Variants in MS4A6A observed in about 807,000 individuals in gnomAD.
MS4A6A encodes membrane-spanning 4-domains subfamily A member 6A.
A neutral mutation model predicts 20.6 loss-of-function variants in MS4A6A; 19 were observed. The ratio of observed to expected loss-of-function variants is 0.92; its 90% CI spans 0.64 to 1.36. The LOEUF (loss-of-function observed/expected upper bound fraction) is 1.36, where lower values mean the gene tolerates loss of function less well. Ranked by LOEUF, MS4A6A falls within the 40% of genes most tolerant of loss-of-function variation. The pLI is 0.00. For missense variants in MS4A6A, 272 were observed against 261.1 expected (o/e 1.04, Z -0.29); for synonymous variants, 108 against 105.0 (o/e 1.03, Z -0.17).
chr11:60,181,938 A>T (rs1308302560), intron 1 of MS4A6A, among the ~76,000 whole-genome samples, 197 bp from the exon 2 acceptor site: 1 of 152,350 alleles, frequency 6.6e-6, no homozygotes, highest in South Asian at 2.1e-4. Flanking sequence ...GACACAGTCC[A>T]TTATAGATAA....
At chr11:60,177,851 A>AT (rs369778965) in intron 4 of MS4A6A, 319 of 214,494 alleles carry the variant, frequency 1.5e-3, no homozygotes, top group South Asian at 3.6e-3. Flanking sequence ...ACTTTGACTC[A>AT]TTTTTTTTTC....
Position 60,183,078 on chromosome 11 carries a change from A to G in MS4A6A, c.-115T>C. The G allele has an allele frequency of 5.3e-6, 8 of 1,504,982 alleles. No homozygotes were observed. Among genetic ancestry groups the G allele is most frequent in the Non-Finnish European group, 7.1e-6 (8 of 1,134,364 alleles). The allele number at this position is 1,504,982 out of a possible 1,614,324, so 93.2% of individuals were successfully genotyped here. ...GGTTTCTACTTACCTTCATCTTCTG[A>G]AAGTCATCAGCCCTTCCTTATTCCA... On this transcript the variant is annotated 5_prime_UTR_variant, in exon 1 of 6. Transcript: ENST00000528851.
chr11:60,181,850 A>G (rs2134813779), intron 1 of MS4A6A, 109 bp from the exon 2 acceptor site: 3 of 1,081,244 alleles, frequency 2.8e-6, no homozygotes, highest in Non-Finnish European at 1.4e-6. Flanking sequence ...TGGCCTGTCC[A>G]TTAGAGAAAG....
intron 4 of MS4A6A, among the ~76,000 whole-genome samples, chr11:60,176,760 G>T (rs966836692): frequency 1.3e-5 from 2 of 152,142 alleles, no homozygotes; most frequent in Admixed American, 6.5e-5. Context: ...TTTGTCTTGA[G>T]ATGGCACTCT....
At position 60,172,774 on chromosome 11, in the gene MS4A6A, C is replaced by A. The variant is rs997612777; in HGVS notation, c.*227G>T. Reference sequence around the variant, plus strand: ...ACTTCCCAGAGTCTCATTCCCTTCGCTGACAAAATAGGAAGATTGAATCAG... The same window carrying A: ...ACTTCCCAGAGTCTCATTCCCTTCGATGACAAAATAGGAAGATTGAATCAG... On this transcript the variant is annotated 3_prime_UTR_variant, in exon 6 of 6. Coordinates refer to ENST00000528851, the MANE Select transcript of MS4A6A (RefSeq NM_022349.4). 3 of 1,306,706 alleles carry A rather than the reference C, an allele frequency of 2.3e-6. No individual in the cohort carries two copies. The highest frequency in any genetic ancestry group is 2.9e-6 in the Non-Finnish European group (3 of 1,018,178). 80.9% of individuals were successfully genotyped at this position (1,306,706 alleles called of 1,614,324 possible). A position where few individuals can be genotyped will look rare whatever the true frequency, so the allele number is the denominator to read the frequency against.
At chr11:60,182,705 C>T (rs1837108743) in intron 1 of MS4A6A, 1 of 153,236 alleles carries the variant, frequency 6.5e-6, no homozygotes, top group African/African-American at 2.4e-5. Flanking sequence ...GCACAGACCG[C>T]CCAGTTTACA....
At chr11:60,177,929 T>C in intron 4 of MS4A6A, 1 of 308,620 alleles carries the variant, frequency 3.2e-6, no homozygotes, top group Non-Finnish European at 6.1e-6. Flanking sequence ...CACTGTCAGC[T>C]TCCTTGCCAC....
At position 60,172,742 on chromosome 11, in the gene MS4A6A, T is replaced by A; in HGVS notation, c.*259A>T. The A allele has an allele frequency of 1.6e-6, 2 of 1,256,226 alleles. No individual in the cohort carries two copies. Among genetic ancestry groups the A allele is most frequent in the South Asian group, 1.6e-5 (1 of 60,984 alleles). 77.8% of individuals were successfully genotyped at this position (1,256,226 alleles called of 1,614,324 possible). On this transcript the variant is annotated 3_prime_UTR_variant, in exon 6 of 6. Transcript: ENST00000528851. Reference sequence around the variant, plus strand: ...AACTCATAGCATAATGCCAGGCCAGTCATTTAACTTCCCAGAGTCTCATTC... The same window carrying A: ...AACTCATAGCATAATGCCAGGCCAGACATTTAACTTCCCAGAGTCTCATTC...
In MS4A6A at chr11:60,175,472, CT is replaced by C. The variant is rs1342857717; in HGVS notation, c.478del (p.Ser160ValfsTer29). The C allele has an allele frequency of 5.6e-6, 9 of 1,614,138 alleles. No individual in the cohort carries two copies. The highest frequency in any genetic ancestry group is 7.6e-6 in the Non-Finnish European group (9 of 1,179,998). ...ATCATGATAAAAGTAAGAAACATAA[CT>C]TCTTGTTGGTATATTATTTTTGTCC... is the stretch of plus-strand genomic sequence containing the variant. ...ELDKNNIPTR[S>X]YVSYFYHDSL... On this transcript the variant is annotated frameshift_variant, in exon 5 of 6. Coordinates refer to ENST00000528851, the MANE Select transcript of MS4A6A (RefSeq NM_022349.4). LOFTEE classifies it high-confidence loss of function.
chr11:60,178,045 C>A, intron 4 of MS4A6A: 1 of 545,388 alleles, frequency 1.8e-6, no homozygotes, highest in South Asian at 2.5e-5. Flanking sequence ...TATTATAATC[C>A]CCTGAATGCA....
rs986556460 is a variant in MS4A6A, at chr11:60,172,773, G to A, written c.*228C>T. The A allele has an allele frequency of 2.9e-5, 38 of 1,299,290 alleles. No individual in the cohort carries two copies. The Admixed American group carries it at 4.5e-4, about 15-fold the overall frequency. 80.5% of individuals were successfully genotyped at this position (1,299,290 alleles called of 1,614,324 possible). ...AACTTCCCAGAGTCTCATTCCCTTCGCTGACAAAATAGGAAGATTGAATCA... is the reference window on the plus strand; with the variant it reads ...AACTTCCCAGAGTCTCATTCCCTTCACTGACAAAATAGGAAGATTGAATCA... On this transcript the variant is annotated 3_prime_UTR_variant, in exon 6 of 6. Coordinates refer to ENST00000528851, the MANE Select transcript of MS4A6A (RefSeq NM_022349.4).
Position 60,172,638 on chromosome 11 carries a change from G to A in MS4A6A, c.*363C>T, listed in dbSNP as rs1417262775. On this transcript the variant is annotated 3_prime_UTR_variant, in exon 6 of 6. Coordinates refer to ENST00000528851, the MANE Select transcript of MS4A6A (RefSeq NM_022349.4). ...CCTTTACCAAGTCAATACTATTAAA[G>A]AGACTAGTGGTTGTGGCAGAAATTG... 1 of 1,151,608 alleles carries A rather than the reference G, an allele frequency of 8.7e-7. No individual in the cohort carries two copies. Among genetic ancestry groups the A allele is most frequent in the South Asian group, 2.3e-5 (1 of 42,792 alleles). The allele number at this position is 1,151,608 out of a possible 1,614,324, so 71.3% of individuals were successfully genotyped here. A position where few individuals can be genotyped will look rare whatever the true frequency, so the allele number is the denominator to read the frequency against.
chr11:60,177,175 T>C (rs1445533353), intron 4 of MS4A6A: 1 of 152,236 alleles, frequency 6.6e-6, no homozygotes, highest in South Asian at 2.1e-4. Flanking sequence ...TTACATTTCA[T>C]TTCCATCCTC....
intron 5 of MS4A6A, among the ~76,000 whole-genome samples, chr11:60,174,518 G>A (rs920915092): frequency 8.6e-5 from 13 of 151,938 alleles, no homozygotes; most frequent in Non-Finnish European, 1.9e-4. Context: ...TAGAGATGGG[G>A]TTTCACCGTC....
chr11:60,178,499 G>GAA, intron 3 of MS4A6A, 183 bp from the exon 4 acceptor site: 49 of 386,780 alleles, frequency 1.3e-4, no homozygotes, highest in South Asian at 3.0e-4. Context: ...GATAACATCA[G>GAA]AAAAAAAAAA....
At chr11:60,172,277 G>A, downstream of MS4A6A, 1 of 1,610,298 alleles carries the variant, frequency 6.2e-7, no homozygotes, top group African/African-American at 1.3e-5. Context: ...AATATGTTAG[G>A]TCTTCAGACT....
chr11:60,172,010 TAAATGACAGTG>T, downstream of MS4A6A: 1 of 744,252 alleles, frequency 1.3e-6, no homozygotes, highest in Non-Finnish European at 2.1e-6. Context: ...ACACATATCT[TAAATGACAGTG>T]AAATAATGGT....
At chr11:60,178,381 A>G in intron 3 of MS4A6A, 65 bp from the exon 4 acceptor site, 1 of 1,332,206 alleles carries the variant, frequency 7.5e-7, no homozygotes, top group Non-Finnish European at 1.1e-6. Flanking sequence ...CGTCACTATC[A>G]CAATGTTTAT....
chr11:60,174,214 T>C (rs193097360), intron 5 of MS4A6A, among the ~76,000 whole-genome samples: 3 of 152,344 alleles, frequency 2.0e-5, no homozygotes, highest in African/African-American at 7.2e-5. Context: ...ATGAGTGCTA[T>C]ACAAACATGA....
Sources: allele counts gnomAD v4.1 joint callset (sites outside exome capture counted in the v4.1 genomes callset), GRCh38; gene constraint gnomAD v4.1.1; transcripts MANE v1.5; gene names NCBI Gene and HGNC (gene_info 2026-07-23, HGNC 2026-07-21).